UGP2: variants seen among roughly 807,000 people sequenced by gnomAD.
The protein encoded by UGP2 is UDP-glucose pyrophosphorylase 2.
A neutral mutation model predicts 49.0 loss-of-function variants in UGP2; 40 were observed. The ratio of observed to expected loss-of-function variants is 0.82; its 90% CI spans 0.63 to 1.06. UGP2 has a LOEUF of 1.06. Among genes scored for constraint, UGP2 ranks in the 50% least tolerant of loss-of-function variants. The probability of loss-of-function intolerance (pLI) is 0.00; values close to 1 mark genes in which losing one functional copy is unlikely to be tolerated. For missense variants in UGP2, 460 were observed against 603.5 expected (o/e 0.76, Z 2.49); for synonymous variants, 225 against 213.0 (o/e 1.06, Z -0.49).
rs1159717549 is a variant in UGP2 at position 63,856,342 on chromosome 2, A to G, written c.56A>G (p.Gln19Arg). The change falls in exon 2 of 10, where the codon CAG becomes CGG. Residue 19 changes from glutamine (Q) to arginine (R), a missense_variant. Transcript: ENST00000337130. ...SKAMSQDGAS[Q>R]FQEVIRQELE... Reference sequence around the variant, plus strand: ...GCAATGTCTCAAGATGGTGCTTCTCAGTTCCAAGAAGTCATTCGGCAAGAG... The same window carrying G: ...GCAATGTCTCAAGATGGTGCTTCTCGGTTCCAAGAAGTCATTCGGCAAGAG... The G allele has an allele frequency of 6.2e-7, 1 of 1,613,996 alleles. No individual in the cohort carries two copies. Among genetic ancestry groups the G allele is most frequent in the Admixed American group, 1.7e-5 (1 of 60,010 alleles).
At chr2:63,872,458 T>C (rs1248883164) in intron 3 of UGP2, among the ~76,000 whole-genome samples, 1 of 152,228 alleles carries the variant, frequency 6.6e-6, no homozygotes, top group Non-Finnish European at 1.5e-5. Flanking sequence ...CTAAGCACTT[T>C]ATATGCATTA....
Position 63,887,597 on chromosome 2 carries a change from G to C in UGP2, c.1267G>C (p.Glu423Gln). 1 of 1,614,142 alleles carries C rather than the reference G, an allele frequency of 6.2e-7. No individual in the cohort carries two copies. Among genetic ancestry groups the C allele is most frequent in the Non-Finnish European group, 8.5e-7 (1 of 1,180,016 alleles). ...AGSLTMSEKR[E>Q]FPTVPLVKLG... ...ATCTCTGACAATGAGTGAAAAGCGG[G>C]AATTTCCTACAGTGCCCTTGGTTAA... Residue 423 changes from glutamate to glutamine, a missense_variant, in exon 8 of 10, where the codon GAA becomes CAA. Around this residue, in one of 2 missense-constraint regions of UGP2, gnomAD observed 317 missense variants for 473.0 expected, o/e 0.67. Coordinates refer to ENST00000337130, the MANE Select transcript of UGP2 (RefSeq NM_006759.4).
At chr2:63,860,189 G>A (rs1669739057) in intron 3 of UGP2, among the ~76,000 whole-genome samples, 1 of 152,112 alleles carries the variant, frequency 6.6e-6, no homozygotes, top group Non-Finnish European at 1.5e-5. Context: ...AATTACTGTG[G>A]AAGAACAGCC....
intron 3 of UGP2, among the ~76,000 whole-genome samples, chr2:63,859,893 T>A (rs4671072): frequency 0.18 from 26,876 of 152,160 alleles, 3,161 homozygotes; most frequent in Non-Finnish European, 0.24. Context: ...CGTCATGAGT[T>A]TCTTGAGGGC....
intron 1 of UGP2, among the ~76,000 whole-genome samples, chr2:63,851,632 T>C (rs1669048468): frequency 6.6e-6 from 1 of 152,220 alleles, no homozygotes; most frequent in Non-Finnish European, 1.5e-5. Context: ...TTTTTTCTCA[T>C]TTCTGCCTCC....
intron 2 of UGP2, 55 bp downstream of exon 2, chr2:63,856,488 A>G (rs1669438460): frequency 1.4e-6 from 2 of 1,480,436 alleles, no homozygotes; most frequent in South Asian, 1.2e-5. Context: ...ATCTGTCTTC[A>G]TGCTGAGTTG....
At chr2:63,864,543 T>C (rs1344960071) in intron 3 of UGP2, among the ~76,000 whole-genome samples, 2 of 152,228 alleles carry the variant, frequency 1.3e-5, no homozygotes, top group African/African-American at 2.4e-5. Flanking sequence ...ATCCTTTTTT[T>C]CATAATGCAA....
At chr2:63,869,748 G>A (rs759401048) in intron 3 of UGP2, among the ~76,000 whole-genome samples, 1 of 152,134 alleles carries the variant, frequency 6.6e-6, no homozygotes, top group Non-Finnish European at 1.5e-5. Flanking sequence ...TTGGAGGACA[G>A]TGTTGGTGCC....
intron 3 of UGP2, among the ~76,000 whole-genome samples, chr2:63,868,899 G>A (rs892806565): frequency 5.3e-5 from 8 of 151,828 alleles, no homozygotes; most frequent in Non-Finnish European, 1.5e-5. Flanking sequence ...ACTTGAACCT[G>A]GGAGGCAATG....
chr2:63,861,480 A>T (rs187088106), intron 3 of UGP2, among the ~76,000 whole-genome samples: 5 of 152,010 alleles, frequency 3.3e-5, no homozygotes, highest in Non-Finnish European at 5.9e-5. Context: ...TCTCTAAAGA[A>T]GGCTTTTTTA....
At chr2:63,890,309 G>A (rs974130799) in intron 9 of UGP2, 124 bp downstream of exon 9, 20 of 634,224 alleles carry the variant, frequency 3.2e-5, no homozygotes, top group Non-Finnish European at 4.8e-5. Flanking sequence ...AATTACTAGT[G>A]TAATTATTTT....
Position 63,872,764 on chromosome 2 carries a change from A to C in UGP2, c.256-9702A>C, listed in dbSNP as rs114008631. ...TGGAATTTCAGACATTTCTCACTGCAGCCAGCTATTGCATGCCAGTGCCCT... is the reference window on the plus strand; with the variant it reads ...TGGAATTTCAGACATTTCTCACTGCCGCCAGCTATTGCATGCCAGTGCCCT... On this transcript the variant is annotated intron_variant, in intron 3 of 9. Coordinates refer to ENST00000337130, the MANE Select transcript of UGP2 (RefSeq NM_006759.4). Among the ~76,000 whole-genome samples the C allele has an allele frequency of 8.4e-3, 1,279 of 151,882 alleles. 28 individuals carry two copies. The highest frequency in any genetic ancestry group is 0.03 in the African/African-American group (1,233 of 41,358).
intron 9 of UGP2, among the ~76,000 whole-genome samples, chr2:63,890,462 A>G (rs1269860099): frequency 6.6e-6 from 1 of 152,230 alleles, no homozygotes; most frequent in Non-Finnish European, 1.5e-5. Context: ...ATTCATTTAC[A>G]TTATTGTAGT....
rs569397152 is a variant in UGP2 at position 63,860,309 on chromosome 2, C to T, written c.255+2373C>T. ...ATGAGTTGACAATTAGCAGAGTCAG[C>T]CACCTGGTTTGTAAGTAAAGTTTTA... On this transcript the variant is annotated intron_variant, in intron 3 of 9. Coordinates refer to ENST00000337130, the MANE Select transcript of UGP2 (RefSeq NM_006759.4). Among the ~76,000 whole-genome samples, 113 of 152,280 alleles carry T rather than the reference C, an allele frequency of 7.4e-4. 1 individual carries two copies. The highest frequency in any genetic ancestry group is 3.4e-3 in the Middle Eastern group (1 of 294).
At chr2:63,864,764 A>G (rs1036383444) in intron 3 of UGP2, among the ~76,000 whole-genome samples, 7 of 152,182 alleles carry the variant, frequency 4.6e-5, no homozygotes, top group Non-Finnish European at 8.8e-5. Flanking sequence ...GGTAGAGTAG[A>G]GCAGGCTCCA....
At chr2:63,857,984 T>G (rs1344194206) in intron 3 of UGP2, 48 bp downstream of exon 3, 1 of 1,554,580 alleles carries the variant, frequency 6.4e-7, no homozygotes, top group Non-Finnish European at 8.8e-7. Flanking sequence ...TCTTGGGCAC[T>G]GGTTTTAACT....
chr2:63,862,878 TAA>T (rs1419482533), intron 3 of UGP2: 2 of 456,388 alleles, frequency 4.4e-6, no homozygotes, highest in African/African-American at 2.0e-5. Flanking sequence ...ATGATTTTAG[TAA>T]AGAGTCCTTT....
intron 3 of UGP2, among the ~76,000 whole-genome samples, chr2:63,858,556 C>T (rs551309245): frequency 5.3e-5 from 8 of 151,754 alleles, no homozygotes; most frequent in African/African-American, 9.7e-5. Context: ...AAAAATCTCA[C>T]GTAATGTTCT....
At chr2:63,842,577 G>GC in intron 1 of UGP2, 1 of 1,491,638 alleles carries the variant, frequency 6.7e-7, no homozygotes, top group Non-Finnish European at 8.9e-7. Flanking sequence ...GGCTGGGGAA[G>GC]CGGGAGGACT....
Sources: gnomAD v4.1 joint callset for allele counts (sites outside exome capture counted in the v4.1 genomes callset) on GRCh38, gnomAD v4.1.1 for gene constraint, gnomAD v4.1.1 regional missense constraint, MANE v1.5 for transcripts, NCBI Gene and HGNC (gene_info 2026-07-23, HGNC 2026-07-21) for gene names.